CTTNBP2: variants seen among roughly 807,000 people sequenced by gnomAD.
CTTNBP2 encodes cortactin-binding protein 2.
CTTNBP2 carries 108 observed loss-of-function variants against 156.9 expected under a neutral mutation model. That is an observed-to-expected ratio of 0.69 (90% CI 0.59 to 0.81). The LOEUF (loss-of-function observed/expected upper bound fraction) is 0.81, where lower values mean the gene tolerates loss of function less well. CTTNBP2 is among the 30% of genes least tolerant of loss of function. The probability of loss-of-function intolerance (pLI) is 0.00; values close to 1 mark genes in which losing one functional copy is unlikely to be tolerated. For missense variants in CTTNBP2, 1,924 were observed against 2,035.4 expected (o/e 0.95, Z 1.05); for synonymous variants, 767 against 751.8 (o/e 1.02, Z -0.33).
intron 4 of CTTNBP2, among the ~76,000 whole-genome samples, chr7:117,786,718 G>C (rs1345455126): frequency 2.6e-5 from 4 of 152,082 alleles, no homozygotes; most frequent in African/African-American, 9.7e-5. Flanking sequence ...TTTGGGTTTT[G>C]TTTACATTTT....
chr7:117,853,097 T>TG (rs1376783977), intron 2 of CTTNBP2, among the ~76,000 whole-genome samples: 1 of 152,306 alleles, frequency 6.6e-6, no homozygotes, highest in African/African-American at 2.4e-5. Context: ...CTCCATCCCC[T>TG]GTTCAATCTC....
chr7:117,793,896 C>T (rs370248385), intron 3 of CTTNBP2, among the ~76,000 whole-genome samples: 5 of 152,306 alleles, frequency 3.3e-5, no homozygotes, highest in African/African-American at 1.2e-4. Context: ...GACTTCTGCT[C>T]AGCTGTCACC....
chr7:117,733,975 A>G (rs1263063557), intron 16 of CTTNBP2, among the ~76,000 whole-genome samples: 1 of 152,236 alleles, frequency 6.6e-6, no homozygotes, highest in Non-Finnish European at 1.5e-5. Context: ...TTCCTCCCTG[A>G]TAAGGAAGAG....
chr7:117,873,153 T>TC (rs1055576820), intron 1 of CTTNBP2, among the ~76,000 whole-genome samples, 182 bp downstream of exon 1: 8 of 151,434 alleles, frequency 5.3e-5, no homozygotes, highest in South Asian at 2.1e-4. Context: ...GCCGCTCCGC[T>TC]CCCCCCCGCG....
chr7:117,767,824 C>A (rs548890735), intron 8 of CTTNBP2, among the ~76,000 whole-genome samples: 1 of 152,228 alleles, frequency 6.6e-6, no homozygotes, highest in Middle Eastern at 3.4e-3. Context: ...AAAAGTAGAA[C>A]TACGAACTGA....
intron 4 of CTTNBP2, among the ~76,000 whole-genome samples, chr7:117,789,327 A>G (rs1798867736): frequency 1.3e-5 from 2 of 151,948 alleles, no homozygotes; most frequent in African/African-American, 4.8e-5. Context: ...ATGGCTTTGT[A>G]TTTTTTTTAA....
chr7:117,760,425 C>T lies in CTTNBP2; in HGVS notation c.3172+10G>A. On this transcript the variant is annotated intron_variant, in intron 10 of 22. Transcript: ENST00000160373. ...ATTTCACTTTCTCTCCGTCATAGGA[C>T]TGCTGATACCTAGCGTGATGGATCG... The T allele has an allele frequency of 6.2e-7, 1 of 1,610,716 alleles. No individual in the cohort carries two copies. The highest frequency in any genetic ancestry group is 8.5e-7 in the Non-Finnish European group (1 of 1,177,104).
At chr7:117,786,615 T>C (rs1381366996) in intron 4 of CTTNBP2, among the ~76,000 whole-genome samples, 1 of 152,152 alleles carries the variant, frequency 6.6e-6, no homozygotes, top group Non-Finnish European at 1.5e-5. Flanking sequence ...ATACTCAGCC[T>C]CTCTTTCATT....
At chr7:117,873,188 G>C in intron 1 of CTTNBP2, 147 bp downstream of exon 1, 1 of 587,160 alleles carries the variant, frequency 1.7e-6, no homozygotes. Context: ...GGCATCCCGA[G>C]GAAGGGGGGC....
At chr7:117,725,499 G>C (rs984749178) in intron 17 of CTTNBP2, among the ~76,000 whole-genome samples, 1 of 152,118 alleles carries the variant, frequency 6.6e-6, no homozygotes, top group African/African-American at 2.4e-5. Context: ...TCTCAATGTA[G>C]AATCAATGCT....
In CTTNBP2 at chr7:117,750,408, A is replaced by G. The variant is rs926536521; in HGVS notation, c.3349-4309T>C. Among the ~76,000 whole-genome samples the G allele has an allele frequency of 1.1e-4, 17 of 152,346 alleles. No homozygotes were observed. In the East Asian group the frequency reaches 3.3e-3, roughly 29 times the overall value. On this transcript the variant is annotated intron_variant, in intron 12 of 22. Coordinates refer to ENST00000160373, the MANE Select transcript of CTTNBP2 (RefSeq NM_033427.3). ...TAAGCCCTTTGCATTTACATAGTCT[A>G]ATGTCCCTCATGGGATAAAGCAGAA...
At chr7:117,767,022 G>C (rs1562986276) in intron 9 of CTTNBP2, 37 bp downstream of exon 9, 2 of 1,135,982 alleles carry the variant, frequency 1.8e-6, no homozygotes, top group Non-Finnish European at 1.3e-6. Flanking sequence ...CAGCAGCATA[G>C]GGGAAAGATA....
Position 117,791,493 on chromosome 7 carries a change from T to A in CTTNBP2, c.1703A>T (p.Asp568Val), listed in dbSNP as rs754707114. Reference sequence around the variant, plus strand: ...CCCTGTGTTCGAGGCCCTGCTGCTGTCTATAATAACCTTGAGTTGGGGGTG... The same window carrying A: ...CCCTGTGTTCGAGGCCCTGCTGCTGACTATAATAACCTTGAGTTGGGGGTG... ...PPHPQLKVII[D>V]SSRASNTGAK... is the part of the protein sequence containing the mutation. The change falls in exon 4 of 23, where the codon GAC (aspartate) becomes GTC (valine). Residue 568 changes from aspartate to valine, a missense_variant. Transcript: ENST00000160373. 1 of 1,614,208 alleles carries A rather than the reference T, an allele frequency of 6.2e-7. No homozygotes were observed. Among genetic ancestry groups the A allele is most frequent in the South Asian group, 1.1e-5 (1 of 91,086 alleles).
intron 2 of CTTNBP2, among the ~76,000 whole-genome samples, chr7:117,819,480 T>C (rs1800825986): frequency 6.6e-6 from 1 of 151,628 alleles, no homozygotes; most frequent in Non-Finnish European, 1.5e-5. Context: ...TGGAGAAGGA[T>C]AATTACTTCC....
At chr7:117,765,924 T>C (rs902294208) in intron 9 of CTTNBP2, among the ~76,000 whole-genome samples, 9 of 152,140 alleles carry the variant, frequency 5.9e-5, no homozygotes, top group African/African-American at 1.9e-4. Flanking sequence ...AATTGCGCTG[T>C]CTCATCCTTC....
At chr7:117,741,933 T>C (rs1441987197) in intron 14 of CTTNBP2, among the ~76,000 whole-genome samples, 1 of 152,248 alleles carries the variant, frequency 6.6e-6, no homozygotes, top group Non-Finnish European at 1.5e-5. Flanking sequence ...TGACAATTTA[T>C]ATGCAAGCTA....
intron 16 of CTTNBP2, among the ~76,000 whole-genome samples, chr7:117,731,815 T>C (rs539388756): frequency 2.0e-5 from 3 of 152,338 alleles, no homozygotes; most frequent in South Asian, 4.1e-4. Flanking sequence ...CAGTGTCAGA[T>C]GGACTGCATT....
At chr7:117,776,034 A>G (rs1798079450) in intron 8 of CTTNBP2, among the ~76,000 whole-genome samples, 1 of 152,216 alleles carries the variant, frequency 6.6e-6, no homozygotes, top group African/African-American at 2.4e-5. Context: ...AAGTTACCCA[A>G]CCAGGAGCTC....
intron 4 of CTTNBP2, among the ~76,000 whole-genome samples, chr7:117,786,888 T>C (rs1028685406): frequency 3.9e-5 from 6 of 152,208 alleles, no homozygotes; most frequent in Non-Finnish European, 8.8e-5. Context: ...CAATTTGTTT[T>C]CAATCTTTAG....
Sources: gnomAD v4.1 joint callset for allele counts (sites outside exome capture counted in the v4.1 genomes callset) on GRCh38, gnomAD v4.1.1 for gene constraint, MANE v1.5 for transcripts, NCBI Gene and HGNC (gene_info 2026-07-23, HGNC 2026-07-21) for gene names.